The following DLGAP3 variants were observed in gnomAD, a reference collection of about 807,000 sequenced individuals.
DLGAP3 encodes the protein DLG associated protein 3.
In DLGAP3, 17 loss-of-function variants were observed where a neutral mutation model predicts 81.2. That is an observed-to-expected ratio of 0.21 (90% confidence interval 0.14 to 0.31). DLGAP3 has a LOEUF of 0.31. DLGAP3 is among the 10% of genes least tolerant of loss of function. The probability of loss-of-function intolerance (pLI) is 1.00; values close to 1 mark genes in which losing one functional copy is unlikely to be tolerated. For missense variants in DLGAP3, 1,124 were observed against 1,388.0 expected (o/e 0.81, Z 3.02); for synonymous variants, 577 against 587.4 (o/e 0.98, Z 0.26).
intron 3 of DLGAP3, among the ~76,000 whole-genome samples, chr1:34,901,600 G>A (rs943360400): frequency 2.0e-5 from 3 of 152,176 alleles, no homozygotes; most frequent in Non-Finnish European, 4.4e-5. Context: ...AAAGATAAAT[G>A]AGCCAATAGA....
At chr1:34,920,597 TA>T (rs1299219753) in intron 1 of DLGAP3, among the ~76,000 whole-genome samples, 1 of 152,200 alleles carries the variant, frequency 6.6e-6, no homozygotes, top group Non-Finnish European at 1.5e-5. Flanking sequence ...GCTGGTGTTC[TA>T]CATCAGGCCA....
intron 1 of DLGAP3, among the ~76,000 whole-genome samples, chr1:34,908,257 G>T (rs1465758166): frequency 1.3e-5 from 2 of 152,212 alleles, no homozygotes; most frequent in Non-Finnish European, 2.9e-5. Flanking sequence ...CTGGAAAGAG[G>T]TACCAAAATG....
rs1389299903 is a variant in DLGAP3, at chr1:34,867,184, G to C, written c.2585C>G (p.Thr862Ser). 1 of 1,614,050 alleles carries C rather than the reference G, an allele frequency of 6.2e-7. No individual in the cohort carries two copies. The highest frequency in any genetic ancestry group is 1.3e-5 in the African/African-American group (1 of 74,930). ...CTGGAAGGTGGGCACAGGGAACGCA[G>C]TGGGATCCTGCAACAGAGGAAGATG... ...FRLCQQSMDP[T>S]AFPVPTFQDL... Residue 862 changes from threonine to serine, a missense_variant, in exon 11 of 12, where the codon ACT (threonine) becomes AGT (serine). Around this residue, in one of 9 missense-constraint regions of DLGAP3, gnomAD observed 133 missense variants for 171.1 expected, o/e 0.78. Transcript: ENST00000373347. The surrounding 1 kb of genome is among the most constrained non-coding windows in gnomAD (Gnocchi z 4.3).
In DLGAP3 at chr1:34,908,212, T is replaced by C. The variant is rs563185986; in HGVS notation, c.-134-775A>G. On this transcript the variant is annotated intron_variant, in intron 1 of 11. Transcript: ENST00000373347. ...GGCTTTGCCCAGGGCCAGTCCTTAA[T>C]AAACACTCACTAAGTAGATGAATAA... Among the ~76,000 whole-genome samples the C allele has an allele frequency of 9.1e-4, 138 of 152,336 alleles. 2 individuals are homozygous for C. The highest frequency in any genetic ancestry group is 6.8e-3 in the South Asian group (33 of 4,830).
intron 1 of DLGAP3, among the ~76,000 whole-genome samples, chr1:34,909,543 G>A (rs1639609136): frequency 6.6e-6 from 1 of 152,158 alleles, no homozygotes; most frequent in Non-Finnish European, 1.5e-5. Context: ...AATCCCTCAT[G>A]AGAAGCCTTT....
chr1:34,908,485 G>A (rs535846171), intron 1 of DLGAP3, among the ~76,000 whole-genome samples: 1 of 152,270 alleles, frequency 6.6e-6, no homozygotes, highest in African/African-American at 2.4e-5. Context: ...GAGAGTTCTG[G>A]CAGACAGGAA....
At position 34,919,685 on chromosome 1, in the gene DLGAP3, CAG is replaced by C. The variant is rs374318384; in HGVS notation, c.-135+9764_-135+9765del. On this transcript the variant is annotated intron_variant, in intron 1 of 11. Transcript: ENST00000373347. The stretch of plus-strand genomic sequence containing the variant: ...ATCCCAGCTACTCAGGAGGCTGAGA[CAG>C]GGGAATCGCTTGAAAGCAGGAGGCA... Among the ~76,000 whole-genome samples the C allele has an allele frequency of 4.7e-3, 711 of 152,306 alleles. 3 individuals are homozygous for C. Among genetic ancestry groups the C allele is most frequent in the African/African-American group, 0.016 (664 of 41,568 alleles).
intron 1 of DLGAP3, among the ~76,000 whole-genome samples, chr1:34,928,727 A>G (rs1639910689): frequency 6.6e-6 from 1 of 151,808 alleles, no homozygotes; most frequent in African/African-American, 2.4e-5. Context: ...ACGCGCGCGC[A>G]CACGCACACA....
intron 8 of DLGAP3, among the ~76,000 whole-genome samples, chr1:34,884,449 C>A (rs918366151): frequency 2.0e-5 from 3 of 152,026 alleles, no homozygotes; most frequent in Non-Finnish European, 2.9e-5. Flanking sequence ...GTGGCTGCTG[C>A]TAATTGTACT....
Position 34,929,179 on chromosome 1 carries a change from G to C in DLGAP3, c.-135+272C>G, listed in dbSNP as rs1157450285. ...CCAGCCGGGCGAGGGCTGGGCCGGGGCTGGCCTGTCCCCGCGGCCCTGACC... is the reference window on the plus strand; with the variant it reads ...CCAGCCGGGCGAGGGCTGGGCCGGGCCTGGCCTGTCCCCGCGGCCCTGACC... On this transcript the variant is annotated intron_variant, in intron 1 of 11. Coordinates refer to ENST00000373347, the MANE Select transcript of DLGAP3 (RefSeq NM_001080418.3). The surrounding 1 kb of genome is among the most constrained non-coding windows in gnomAD (Gnocchi z 6.5). Among the ~76,000 whole-genome samples the C allele has an allele frequency of 6.6e-6, 1 of 151,892 alleles. No individual in the cohort carries two copies. The highest frequency in any genetic ancestry group is 1.5e-5 in the Non-Finnish European group (1 of 67,806).
intron 1 of DLGAP3, among the ~76,000 whole-genome samples, chr1:34,918,088 C>G (rs1639743150): frequency 6.6e-6 from 1 of 152,188 alleles, no homozygotes. Flanking sequence ...CAGGCAGAAC[C>G]CTCAGAGGGG....
chr1:34,877,562 C>T (rs1639077091), intron 8 of DLGAP3, among the ~76,000 whole-genome samples: 1 of 152,066 alleles, frequency 6.6e-6, no homozygotes, highest in South Asian at 2.1e-4. Flanking sequence ...ACTGTTAAAG[C>T]ATAAAAGATA....
chr1:34,885,097 C>T (rs373973157), intron 7 of DLGAP3, 34 bp from the exon 8 acceptor site: 3 of 1,585,664 alleles, frequency 1.9e-6, no homozygotes, highest in African/African-American at 1.3e-5. Flanking sequence ...GTGGCTGTGG[C>T]GAGCCAAGGT....
chr1:34,866,143 C>G lies in DLGAP3; in HGVS notation c.2880G>C (p.Ser960=), dbSNP rs762457264. ...CGATGCTGTCGGCGCTCTCGGTGGCCGAGCTGTGGCGGAAGGAAGCGGCGC... is the reference window on the plus strand; with the variant it reads ...CGATGCTGTCGGCGCTCTCGGTGGCGGAGCTGTGGCGGAAGGAAGCGGCGC... ...AKRAASFRHS[S]ATESADSIEI... Residue 960 remains serine (S), a synonymous_variant, in exon 12 of 12, where the codon TCG becomes TCC. Transcript: ENST00000373347. 2 of 1,598,800 alleles carry G rather than the reference C, an allele frequency of 1.3e-6. No individual in the cohort carries two copies. The highest frequency in any genetic ancestry group is 2.2e-5 in the South Asian group (2 of 90,972).
At chr1:34,879,333 A>C (rs1639108719) in intron 8 of DLGAP3, among the ~76,000 whole-genome samples, 1 of 152,200 alleles carries the variant, frequency 6.6e-6, no homozygotes, top group Non-Finnish European at 1.5e-5. Context: ...CATAAGGAGC[A>C]CACAACCTAG....
At chr1:34,901,294 G>A (rs1177895699) in intron 3 of DLGAP3, among the ~76,000 whole-genome samples, 1 of 152,154 alleles carries the variant, frequency 6.6e-6, no homozygotes, top group Non-Finnish European at 1.5e-5. Context: ...AAAGGAAGAG[G>A]AGCCTGTGAA....
chr1:34,917,312 C>T (rs937426493), intron 1 of DLGAP3, among the ~76,000 whole-genome samples: 6 of 151,824 alleles, frequency 4.0e-5, no homozygotes, highest in Non-Finnish European at 7.4e-5. Flanking sequence ...GTTCATACAC[C>T]TCATGTGCAT....
At chr1:34,913,841 A>G (rs1228567082) in intron 1 of DLGAP3, among the ~76,000 whole-genome samples, 3 of 152,152 alleles carry the variant, frequency 2.0e-5, no homozygotes, top group African/African-American at 4.8e-5. Context: ...AGAATCTGGT[A>G]TTAGAAATCC....
In DLGAP3 at chr1:34,885,512, C is replaced by T; in HGVS notation, c.1880G>A (p.Arg627Gln). 1 of 1,609,242 alleles carries T rather than the reference C, an allele frequency of 6.2e-7. No homozygotes were observed. The highest frequency in any genetic ancestry group is 8.5e-7 in the Non-Finnish European group (1 of 1,179,856). Reference sequence around the variant, plus strand: ...AATGGACGGCCGCCACTTCCGCTGCCGCGCCAGGCTCCGCAGCTCCTCCCT... The same window carrying T: ...AATGGACGGCCGCCACTTCCGCTGCTGCGCCAGGCTCCGCAGCTCCTCCCT... ...PGREELRSLA[R>Q]QRKWRPSIGV... Residue 627 changes from arginine to glutamine, a missense_variant, in exon 7 of 12, where the codon CGG becomes CAG. This residue lies in a region of DLGAP3 where 379 missense variants were observed against 455.7 expected (regional missense o/e 0.83). Transcript: ENST00000373347.
Sources: gnomAD v4.1 joint callset for allele counts (sites outside exome capture counted in the v4.1 genomes callset) on GRCh38, gnomAD v4.1.1 for gene constraint, gnomAD v4.1.1 regional missense constraint, Gnocchi (gnomAD v3.1) non-coding constraint, MANE v1.5 for transcripts, NCBI Gene and HGNC (gene_info 2026-07-23, HGNC 2026-07-21) for gene names.